RUVBL1: variants seen among roughly 807,000 people sequenced by gnomAD.
RUVBL1 encodes ruvB-like 1.
In RUVBL1, 4 loss-of-function variants were observed where a neutral mutation model predicts 52.4. The ratio of observed to expected loss-of-function variants is 0.08; its 90% CI spans 0.04 to 0.17. The LOEUF (loss-of-function observed/expected upper bound fraction) is 0.17. RUVBL1 is among the 10% of genes least tolerant of loss of function. The pLI, the probability that RUVBL1 is intolerant of heterozygous loss-of-function variation, is 1.00. For synonymous variants in RUVBL1, 217 were observed against 214.4 expected, an observed-to-expected ratio of 1.01 and a Z score of -0.10; for missense variants, 298 against 572.8, an observed-to-expected ratio of 0.52 and a Z score of 4.90.
chr3:128,087,606 T>C (rs1942689425), intron 9 of RUVBL1, 100 bp downstream of exon 9: 1 of 848,064 alleles, frequency 1.2e-6, no homozygotes, highest in Non-Finnish European at 1.9e-6. Context: ...AGATGGTGAA[T>C]GGCAGCCAGA....
At chr3:128,074,415 G>A (rs930840390) in intron 9 of RUVBL1, among the ~76,000 whole-genome samples, 1 of 151,832 alleles carries the variant, frequency 6.6e-6, no homozygotes, top group South Asian at 2.1e-4. Context: ...TGCCTCTAGT[G>A]TGTTAGAGAT....
chr3:128,100,769 G>A, intron 5 of RUVBL1, 25 bp from the exon 6 acceptor site: 1 of 1,613,212 alleles, frequency 6.2e-7, no homozygotes, highest in Non-Finnish European at 8.5e-7. Flanking sequence ...AAACATGAGT[G>A]CCTGGTAAGT....
upstream of RUVBL1, among the ~76,000 whole-genome samples, chr3:128,125,013 T>TG (rs1225256653): frequency 2.3e-5 from 3 of 127,956 alleles, no homozygotes; most frequent in Non-Finnish European, 5.0e-5. Context: ...GCCTTTTTTT[T>TG]TTTTTTTTTT....
At chr3:128,075,026 C>G (rs552671984) in intron 9 of RUVBL1, 2 of 152,152 alleles carry the variant, frequency 1.3e-5, no homozygotes, top group Admixed American at 1.3e-4. Context: ...GCCTAGATGA[C>G]AGGGATATGG....
rs1487470868 is a variant in RUVBL1, at chr3:128,150,870, A to ATATTC, written c.-40+2332_-40+2333insGAATA. On this transcript the variant is annotated intron_variant, in intron 1 of 9. Coordinates refer to the RUVBL1 transcript ENST00000464873. The stretch of plus-strand genomic sequence containing the variant: ...ATATTCTATATATTATATATTATAT[A>ATATTC]TATATATTCTATATATATATTCTAT... Among the ~76,000 whole-genome samples the ATATTC allele has an allele frequency of 7.9e-5, 6 of 76,198 alleles. 1 individual carries two copies. Among genetic ancestry groups the ATATTC allele is most frequent in the African/African-American group, 2.4e-4 (4 of 16,354 alleles). The allele number at this position is 76,198 out of a possible 152,430, so 50.0% of individuals were successfully genotyped here. A position where few individuals can be genotyped will look rare whatever the true frequency, so the allele number is the denominator to read the frequency against.
At chr3:128,105,816 T>G (rs57897513) in intron 3 of RUVBL1, among the ~76,000 whole-genome samples, 20,573 of 151,700 alleles carry the variant, frequency 0.14, 1,563 homozygotes, top group African/African-American at 0.19. Flanking sequence ...CATGCATTAT[T>G]TGCAATGTGT....
chr3:128,147,079 T>C (rs1359994931), intron 1 of RUVBL1, among the ~76,000 whole-genome samples: 2 of 152,210 alleles, frequency 1.3e-5, no homozygotes, highest in African/African-American at 2.4e-5. Flanking sequence ...GCCAACATTA[T>C]AATTATTATT....
In RUVBL1 at chr3:128,067,091, C is replaced by T; in HGVS notation, c.940-1871G>A. ...TGGTGTCCAACCTTTATGTCATCTCCCAAATGCTCTCAGCTCGCTTCAGTG... is the reference window on the plus strand; with the variant it reads ...TGGTGTCCAACCTTTATGTCATCTCTCAAATGCTCTCAGCTCGCTTCAGTG... On this transcript the variant is annotated intron_variant, in intron 9 of 9. Transcript: ENST00000464873. The surrounding 1 kb of genome is among the most constrained non-coding windows in gnomAD (Gnocchi z 4.1). 1.2e-6 allele frequency: 2 copies of T among 1,614,216 alleles called. No individual in the cohort carries two copies. The highest frequency in any genetic ancestry group is 1.7e-6 in the Non-Finnish European group (2 of 1,180,038).
At chr3:128,077,903 T>TA (rs1942377214), downstream of RUVBL1, among the ~76,000 whole-genome samples, 1 of 152,224 alleles carries the variant, frequency 6.6e-6, no homozygotes, top group African/African-American at 2.4e-5. Context: ...GGGTACCTGA[T>TA]ACAGCTACAT....
rs770235854 is a variant in RUVBL1 at position 128,100,681 on chromosome 3, A to T, written c.667T>A (p.Leu223Met). 6.2e-7 allele frequency: 1 copy of T among 1,613,980 alleles called. No individual in the cohort carries two copies. The highest frequency in any genetic ancestry group is 8.5e-7 in the Non-Finnish European group (1 of 1,179,986). ...FDLEAEEYVP[L>M]PKGDVHKKKE... is the part of the protein sequence containing the mutation. ...TTTTTGTGCACATCCCCTTTTGGCA[A>T]GGGGACATACTCTTCAGCTTCAAGG... The change falls in exon 6 of 11, where the codon TTG (leucine) becomes ATG (methionine). Residue 223 changes from leucine (L) to methionine (M), a missense_variant. Leu to Met is a conservative substitution (Grantham distance 15). Transcript: ENST00000322623.
At chr3:128,128,051 C>A (rs1451502866), upstream of RUVBL1, among the ~76,000 whole-genome samples, 1 of 143,412 alleles carries the variant, frequency 7.0e-6, no homozygotes, top group Non-Finnish European at 1.6e-5. Context: ...TACATACATA[C>A]ATAAATACAT....
At chr3:128,136,156 G>A (rs1943944384) in intron 1 of RUVBL1, among the ~76,000 whole-genome samples, 1 of 145,844 alleles carries the variant, frequency 6.9e-6, no homozygotes, top group African/African-American at 2.5e-5. Context: ...TACCACCAGA[G>A]AAAATCACCA....
chr3:128,081,554 G>C lies in RUVBL1; in HGVS notation c.1212-145C>G. ...GCTGCTACGAACACAGAAAAGGGGAGACAAAGTTGTCACTTCTCAGAGAGC... is the reference window on the plus strand; with the variant it reads ...GCTGCTACGAACACAGAAAAGGGGACACAAAGTTGTCACTTCTCAGAGAGC... On this transcript the variant is annotated intron_variant, in intron 10 of 10. Transcript: ENST00000322623. The surrounding 1 kb of genome is among the most constrained non-coding windows in gnomAD (Gnocchi z 4.8). 1 of 808,470 alleles carries C rather than the reference G, an allele frequency of 1.2e-6. No individual in the cohort carries two copies. Among genetic ancestry groups the C allele is most frequent in the Non-Finnish European group, 1.9e-6 (1 of 523,958 alleles). The allele number at this position is 808,470 out of a possible 1,614,324, so 50.1% of individuals were successfully genotyped here.
intron 1 of RUVBL1, among the ~76,000 whole-genome samples, chr3:128,138,028 A>G (rs964141771): frequency 2.0e-5 from 3 of 152,190 alleles, no homozygotes; most frequent in Admixed American, 6.5e-5. Context: ...AACTTGGCAT[A>G]GAAGGAACCT....
exon 1 of RUVBL1, chr3:128,153,482 C>T (rs1576499427): frequency 6.8e-7 from 1 of 1,467,928 alleles, no homozygotes; most frequent in South Asian, 1.4e-5. Flanking sequence ...GCGGGCCGGG[C>T]GGGTGTCCGA....
At position 128,082,443 on chromosome 3, in the gene RUVBL1, G is replaced by A. The variant is rs1406604921; in HGVS notation, c.1211+40C>T. 6.7e-7 allele frequency: 1 copy of A among 1,489,686 alleles called. No individual in the cohort carries two copies. Among genetic ancestry groups the A allele is most frequent in the African/African-American group, 1.4e-5 (1 of 72,320 alleles). The allele number at this position is 1,489,686 out of a possible 1,614,324, so 92.3% of individuals were successfully genotyped here. ...AATGACCCCAGCGAGGGCCCTGGCT[G>A]TGCTGGGGAGGCCCCGGCGGGCCCA... On this transcript the variant is annotated intron_variant, in intron 10 of 10. Transcript: ENST00000322623. The surrounding 1 kb of genome is among the most constrained non-coding windows in gnomAD (Gnocchi z 4.7).
At chr3:128,150,579 T>C (rs1347392308) in intron 1 of RUVBL1, among the ~76,000 whole-genome samples, 3 of 142,788 alleles carry the variant, frequency 2.1e-5, no homozygotes, top group Non-Finnish European at 4.5e-5. Flanking sequence ...CATATATATA[T>C]TCCACAGAAT....
intron 2 of RUVBL1, among the ~76,000 whole-genome samples, chr3:128,114,989 A>C (rs896872166): frequency 4.6e-5 from 7 of 150,826 alleles, no homozygotes; most frequent in Non-Finnish European, 1.0e-4. Context: ...TTCCATTAAA[A>C]TATGATAAAT....
Position 128,119,339 on chromosome 3 carries a change from C to T in RUVBL1, c.217G>A (p.Gly73Arg). Residue 73 changes from glycine to arginine, a missense_variant, in exon 2 of 11, where the codon GGA (glycine) becomes AGA (arginine). Physicochemically the swap from Gly to Arg is moderately radical, Grantham distance 125. Coordinates refer to ENST00000322623, the MANE Select transcript of RUVBL1 (RefSeq NM_003707.3). Reference sequence around the variant, plus strand: ...GAGAAAATGAGTACCTTGCCAGTTCCAGGAGGTCCTGCCAACAAGACAGCT... The same window carrying T: ...GAGAAAATGAGTACCTTGCCAGTTCTAGGAGGTCCTGCCAACAAGACAGCT... ...GRAVLLAGPP[G>R]TGKTALALAI... 1 of 1,613,782 alleles carries T rather than the reference C, an allele frequency of 6.2e-7. No homozygotes were observed. Among genetic ancestry groups the T allele is most frequent in the Non-Finnish European group, 8.5e-7 (1 of 1,179,798 alleles).
Sources: allele counts gnomAD v4.1 joint callset (sites outside exome capture counted in the v4.1 genomes callset), GRCh38; gene constraint gnomAD v4.1.1; non-coding constraint Gnocchi (gnomAD v3.1); transcripts MANE v1.5; gene names NCBI Gene and HGNC (gene_info 2026-07-23, HGNC 2026-07-21).